Variants in TATDN1 observed in about 807,000 individuals in gnomAD.
TATDN1 encodes the protein TatD DNase domain containing 1, also known as deoxyribonuclease TATDN1.
A neutral mutation model predicts 46.4 loss-of-function variants in TATDN1; 40 were observed. The ratio of observed to expected loss-of-function variants is 0.86; its 90% confidence interval spans 0.67 to 1.12. The LOEUF is 1.12. Ranked by LOEUF, TATDN1 falls within the 50% of genes most tolerant of loss-of-function variation. TATDN1 has a pLI of 0.00. For synonymous variants in TATDN1, 95 were observed against 105.6 expected (o/e 0.90, Z 0.62); for missense variants, 326 against 348.4 (o/e 0.94, Z 0.51).
rs1817387845 is a variant in TATDN1 at position 124,495,514 on chromosome 8, C to T, written c.622G>A (p.Val208Ile). The T allele has an allele frequency of 2.5e-6, 4 of 1,605,762 alleles. No individual in the cohort carries two copies. Among genetic ancestry groups the T allele is most frequent in the Admixed American group, 1.7e-5 (1 of 57,810 alleles). The change falls in exon 10 of 12, where the codon GTT becomes ATT. Residue 208 changes from valine to isoleucine, a missense_variant. Physicochemically the swap from Val to Ile is conservative, Grantham distance 29. Coordinates refer to ENST00000276692, the MANE Select transcript of TATDN1 (RefSeq NM_032026.4). ...CSLKTEANLE[V>I]LKSIPSEKLM... ...TTTTCACTAGGAATTGACTTCAAAA[C>T]TTCCAAATTAGCTTCAGTTTTCAGT...
chr8:124,514,397 T>C (rs1004723148), intron 6 of TATDN1, among the ~76,000 whole-genome samples: 4 of 152,234 alleles, frequency 2.6e-5, no homozygotes, highest in African/African-American at 9.6e-5. Context: ...TTAAACATTA[T>C]GATATAGCTG....
intron 1 of TATDN1, among the ~76,000 whole-genome samples, chr8:124,524,319 G>C (rs544199794): frequency 6.6e-6 from 1 of 152,292 alleles, no homozygotes; most frequent in African/African-American, 2.4e-5. Context: ...GTGGGATGTG[G>C]TACCCTTTAA....
rs142193434 is a variant in TATDN1 at position 124,512,005 on chromosome 8, G to A, written c.390-3317C>T. ...CATCCTTTTAACATGGTCATACACC[G>A]CCTTCACTTACCATTATTTTTCAGA... On this transcript the variant is annotated intron_variant, in intron 6 of 11. Coordinates refer to ENST00000276692, the MANE Select transcript of TATDN1 (RefSeq NM_032026.4). Among the ~76,000 whole-genome samples the A allele has an allele frequency of 2.0e-4, 30 of 152,234 alleles. No homozygotes were observed. In the East Asian group the frequency reaches 4.8e-3, roughly 24 times the overall value.
intron 1 of TATDN1, among the ~76,000 whole-genome samples, chr8:124,524,217 G>T (rs1820292486): frequency 6.6e-6 from 1 of 152,168 alleles, no homozygotes; most frequent in African/African-American, 2.4e-5. Context: ...AGACAGTGAA[G>T]AGAGTATTCC....
intron 9 of TATDN1, chr8:124,504,060 A>C (rs1212179335): frequency 2.4e-6 from 2 of 816,438 alleles, no homozygotes; most frequent in Non-Finnish European, 1.9e-6. Flanking sequence ...ATTAGAACAT[A>C]ATGTAGTAGT....
intron 1 of TATDN1, chr8:124,523,588 C>T (rs1820239201): frequency 6.6e-6 from 1 of 152,014 alleles, no homozygotes; most frequent in Non-Finnish European, 1.5e-5. Context: ...AATAACAACA[C>T]AACAATAAAA....
In TATDN1 at chr8:124,508,627, G is replaced by T; in HGVS notation, c.451C>A (p.Arg151=). 1 of 1,601,934 alleles carries T rather than the reference G, an allele frequency of 6.2e-7. No homozygotes were observed. The highest frequency in any genetic ancestry group is 1.1e-5 in the South Asian group (1 of 89,000). The part of the protein sequence containing the change: ...QTKLPMFLHC[R]NSHAEFLDIM... ...CCCAAAAATTCAGCATGTGAGTTTC[G>T]ACAATGAAGAAACATTGGTAATTTT... Residue 151 remains arginine (R), a synonymous_variant, in exon 7 of 12, where the codon CGA becomes AGA. Coordinates refer to ENST00000276692, the MANE Select transcript of TATDN1 (RefSeq NM_032026.4).
chr8:124,518,975 T>C, intron 3 of TATDN1, 94 bp from the exon 4 acceptor site: 2 of 811,702 alleles, frequency 2.5e-6, no homozygotes, highest in Admixed American at 2.2e-5. Flanking sequence ...TATTCCAGAA[T>C]GCTCTTTCCT....
intron 1 of TATDN1, among the ~76,000 whole-genome samples, chr8:124,534,145 C>CAAAAAAAAAAAAAAAAAAAA (rs869060230): frequency 5.9e-5 from 3 of 51,268 alleles, no homozygotes; most frequent in Admixed American, 3.1e-4. Context: ...GACTCCGTCT[C>CAAAAAAAAAAAAAAAAAAAA]AAAAAAAAAA....
intron 9 of TATDN1, among the ~76,000 whole-genome samples, chr8:124,501,111 C>A (rs974498462): frequency 1.3e-5 from 2 of 152,190 alleles, no homozygotes; most frequent in Non-Finnish European, 2.9e-5. Flanking sequence ...TGGAGAACAA[C>A]AAGCACAGAG....
chr8:124,492,801 T>C (rs1817135603), intron 11 of TATDN1, among the ~76,000 whole-genome samples: 1 of 150,504 alleles, frequency 6.6e-6, no homozygotes, highest in African/African-American at 2.4e-5. Context: ...CATCACTGAA[T>C]TTGCAAGTAC....
chr8:124,497,111 T>C (rs1182893383), intron 9 of TATDN1, among the ~76,000 whole-genome samples: 4 of 152,192 alleles, frequency 2.6e-5, no homozygotes, highest in African/African-American at 4.8e-5. Context: ...CAATTGGTCA[T>C]TGTCTTCTGA....
At chr8:124,520,800 G>A (rs1029095024) in intron 3 of TATDN1, among the ~76,000 whole-genome samples, 6 of 150,904 alleles carry the variant, frequency 4.0e-5, no homozygotes, top group East Asian at 2.0e-4. Flanking sequence ...AAAATTAGCC[G>A]GGTGTGGTGG....
intron 1 of TATDN1, among the ~76,000 whole-genome samples, chr8:124,526,131 T>C (rs1820478486): frequency 6.6e-6 from 1 of 152,218 alleles, no homozygotes; most frequent in Non-Finnish European, 1.5e-5. Context: ...GTTATTTCTG[T>C]AAACCAATGA....
chr8:124,511,565 G>A (rs1819016795), intron 6 of TATDN1, among the ~76,000 whole-genome samples: 1 of 152,120 alleles, frequency 6.6e-6, no homozygotes, highest in Non-Finnish European at 1.5e-5. Flanking sequence ...ATAAGGCCAG[G>A]AAATTGAAAA....
chr8:124,502,415 G>GA (rs113629102), intron 9 of TATDN1, among the ~76,000 whole-genome samples: 3 of 151,454 alleles, frequency 2.0e-5, no homozygotes, highest in African/African-American at 4.9e-5. Flanking sequence ...AGGAAGAGCA[G>GA]AAAAAAAATT....
At chr8:124,495,256 C>CTTAGAT in intron 10 of TATDN1, 1 of 546,078 alleles carries the variant, frequency 1.8e-6, no homozygotes, top group Non-Finnish European at 3.2e-6. Context: ...TTTCTAAGTG[C>CTTAGAT]TTAGACATAG....
At chr8:124,534,317 A>T (rs1449211386) in intron 1 of TATDN1, among the ~76,000 whole-genome samples, 2 of 152,196 alleles carry the variant, frequency 1.3e-5, no homozygotes. Flanking sequence ...ACACATCAAA[A>T]TTATAAGAAC....
intron 8 of TATDN1, among the ~76,000 whole-genome samples, chr8:124,506,195 C>T (rs944561627): frequency 1.8e-4 from 28 of 151,582 alleles, no homozygotes; most frequent in African/African-American, 5.3e-4. Context: ...ATTAGCCAGG[C>T]GTGGTGGTGC....
Sources: gnomAD v4.1 joint callset for allele counts (sites outside exome capture counted in the v4.1 genomes callset) on GRCh38, gnomAD v4.1.1 for gene constraint, MANE v1.5 for transcripts, NCBI Gene and HGNC (gene_info 2026-07-23, HGNC 2026-07-21) for gene names.